The following COPB1 variants were observed in gnomAD, a reference collection of about 807,000 sequenced individuals.
COPB1 encodes the protein coat protein complex I subunit beta 1.
Under a neutral mutation model 108.7 loss-of-function variants are expected in COPB1, and 21 were observed. The observed-to-expected ratio is 0.19, with a 90% CI of 0.14 to 0.28. COPB1 has a LOEUF of 0.28. Ranked by LOEUF, COPB1 falls within the 10% of genes least tolerant of loss-of-function variation. The pLI, the probability that COPB1 is intolerant of heterozygous loss-of-function variation, is 1.00. For synonymous variants in COPB1, 378 were observed against 386.8 expected (o/e 0.98, Z 0.27); for missense variants, 919 against 1,141.3 (o/e 0.81, Z 2.81).
Position 14,490,533 on chromosome 11 carries a change from G to C in COPB1, c.606+32C>G, listed in dbSNP as rs1850874821. 3 of 1,206,358 alleles carry C rather than the reference G, an allele frequency of 2.5e-6. No homozygotes were observed. In the Admixed American group the frequency reaches 5.7e-5, roughly 23 times the overall value. 74.7% of individuals were successfully genotyped at this position (1,206,358 alleles called of 1,614,324 possible). On this transcript the variant is annotated intron_variant, in intron 5 of 21. Transcript: ENST00000439561. ...TACTTTCAATTGTCACTTAAATACA[G>C]TAATAAGAGTATTTTTTAAAAAGTA... is the stretch of plus-strand genomic sequence containing the variant.
chr11:14,493,744 G>T lies in COPB1; in HGVS notation c.389C>A (p.Ala130Glu). Residue 130 changes from alanine (A) to glutamate (E), a missense_variant, in exon 4 of 22, where the codon GCA (alanine) becomes GAA (glutamate). This residue lies in a region of COPB1 where 22 missense variants were observed against 58.8 expected (regional missense o/e 0.37). Transcript: ENST00000439561. ...TLRFLCKLKE[A>E]ELLEPLMPAI... is the part of the protein sequence containing the mutation. ...TGGCATTAAAGGTTCTAGCAATTCTGCTTCTTTCAATTTGCAAAGAAAACG... is the reference window on the plus strand; with the variant it reads ...TGGCATTAAAGGTTCTAGCAATTCTTCTTCTTTCAATTTGCAAAGAAAACG... 6.2e-7 allele frequency: 1 copy of T among 1,613,276 alleles called. No homozygotes were observed. The highest frequency in any genetic ancestry group is 8.5e-7 in the Non-Finnish European group (1 of 1,179,674).
chr11:14,495,881 T>C (rs1851007465), intron 2 of COPB1, among the ~76,000 whole-genome samples: 1 of 152,196 alleles, frequency 6.6e-6, no homozygotes, highest in Non-Finnish European at 1.5e-5. Context: ...AATGAATGTA[T>C]TCACTATTTT....
At chr11:14,494,005 TTTAA>T (rs1339368772) in intron 3 of COPB1, among the ~76,000 whole-genome samples, 194 bp from the exon 4 acceptor site, 13 of 152,322 alleles carry the variant, frequency 8.5e-5, no homozygotes, top group South Asian at 2.1e-4. Context: ...GTCACTGTTT[TTTAA>T]TTAATATATA....
intron 17 of COPB1, 92 bp from the exon 18 acceptor site, chr11:14,465,122 C>T (rs1185986826): frequency 3.6e-5 from 51 of 1,411,888 alleles, no homozygotes; most frequent in Admixed American, 4.9e-5. Context: ...AACCATAAAA[C>T]CTTAAATGTA....
intron 20 of COPB1, among the ~76,000 whole-genome samples, chr11:14,459,120 A>G (rs1327299416): frequency 6.6e-6 from 1 of 152,188 alleles, no homozygotes; most frequent in African/African-American, 2.4e-5. Context: ...TGGTGGTTAC[A>G]TAATCTTATG....
chr11:14,461,937 T>C (rs1850163594), intron 18 of COPB1, among the ~76,000 whole-genome samples: 2 of 152,228 alleles, frequency 1.3e-5, no homozygotes. Flanking sequence ...TCATATATTT[T>C]AAATCATCTC....
chr11:14,497,173 G>C (rs909991204), intron 2 of COPB1, among the ~76,000 whole-genome samples: 2 of 152,034 alleles, frequency 1.3e-5, no homozygotes, highest in Non-Finnish European at 2.9e-5. Context: ...GGCAACCAAA[G>C]CAAAAACGGA....
At chr11:14,480,320 A>G (rs1399441703) in intron 10 of COPB1, among the ~76,000 whole-genome samples, 1 of 152,238 alleles carries the variant, frequency 6.6e-6, no homozygotes, top group Non-Finnish European at 1.5e-5. Context: ...GAGAGAACTC[A>G]AGAGCTCAAA....
In COPB1 at chr11:14,494,428, C is replaced by A; in HGVS notation, c.103G>T (p.Val35Leu). 1.9e-6 allele frequency: 3 copies of A among 1,547,660 alleles called. No individual in the cohort carries two copies. Among genetic ancestry groups the A allele is most frequent in the South Asian group, 1.2e-5 (1 of 83,148 alleles). ...TTCAAAGCTTCAGTCTTTGACTTTA[C>A]ATCTCCTTTTTCTGAATCAAAAATT... ...SLKNDLEKGD[V>L]KSKTEALKKV... Residue 35 changes from valine to leucine, a missense_variant, in exon 3 of 22, where the codon GTA becomes TTA. Around this residue, in one of 5 missense-constraint regions of COPB1, gnomAD observed 92 missense variants for 108.4 expected, o/e 0.85. Transcript: ENST00000439561.
In COPB1 at chr11:14,475,956, A is replaced by T; in HGVS notation, c.1456-11T>A. 6.3e-7 allele frequency: 1 copy of T among 1,577,032 alleles called. No homozygotes were observed. Among genetic ancestry groups the T allele is most frequent in the Non-Finnish European group, 8.6e-7 (1 of 1,165,018 alleles). ...CTCTACAATTGGGATCTAAAAGTCA[A>T]TTGGAAACATCATTTTAGTAATAGT... On this transcript the variant is annotated splice_polypyrimidine_tract_variant and intron_variant, in intron 12 of 21. Coordinates refer to ENST00000439561, the MANE Select transcript of COPB1 (RefSeq NM_001144061.2).
Position 14,479,722 on chromosome 11 carries a change from A to G in COPB1, c.1213-8T>C, listed in dbSNP as rs762152410. The G allele has an allele frequency of 6.4e-6, 3 of 465,336 alleles. No individual in the cohort carries two copies. The highest frequency in any genetic ancestry group is 4.5e-5 in the Admixed American group (1 of 22,150). 28.8% of individuals were successfully genotyped at this position (465,336 alleles called of 1,614,324 possible). ...ACTGAGAAATTCCATTAACTAAAAG[A>G]AAAAAAAAAAAAAGAAAATGGAACT... On this transcript the variant is annotated splice_region_variant and splice_polypyrimidine_tract_variant and intron_variant, in intron 10 of 21. Coordinates refer to ENST00000439561, the MANE Select transcript of COPB1 (RefSeq NM_001144061.2).
rs757738793 is a variant in COPB1, at chr11:14,490,610, T to C, written c.561A>G (p.Ala187=). 6.2e-7 allele frequency: 1 copy of C among 1,613,334 alleles called. No homozygotes were observed. Among genetic ancestry groups the C allele is most frequent in the Middle Eastern group, 1.7e-4 (1 of 5,840 alleles). The part of the protein sequence containing the change: ...IHDFLVNEKD[A]SCKRNAFMML... ...TCATAAATGCATTCCTTTTGCAACTTGCATCCTTCTCATTCACCAGAAAAT... is the reference window on the plus strand; with the variant it reads ...TCATAAATGCATTCCTTTTGCAACTCGCATCCTTCTCATTCACCAGAAAAT... The change falls in exon 5 of 22, where the codon GCA becomes GCG. Residue 187 remains alanine, a synonymous_variant. Coordinates refer to ENST00000439561, the MANE Select transcript of COPB1 (RefSeq NM_001144061.2).
At position 14,483,131 on chromosome 11, in the gene COPB1, A is replaced by C; in HGVS notation, c.858T>G (p.Ile286Met). The C allele has an allele frequency of 6.3e-7, 1 of 1,575,396 alleles. No individual in the cohort carries two copies. ...TAIKAAAQCY[I>M]DLIIKESDNN... ...TGTCGCTCTCCTTAATAATTAAATC[A>C]ATGTAACACTGAGCAGCAGCCTATA... The change falls in exon 8 of 22, where the codon ATT (isoleucine) becomes ATG (methionine). Residue 286 changes from isoleucine (I) to methionine (M), a missense_variant. Coordinates refer to ENST00000439561, the MANE Select transcript of COPB1 (RefSeq NM_001144061.2).
At chr11:14,491,829 T>G (rs1850912843) in intron 4 of COPB1, among the ~76,000 whole-genome samples, 1 of 152,234 alleles carries the variant, frequency 6.6e-6, no homozygotes, top group Non-Finnish European at 1.5e-5. Context: ...TGTGCATACA[T>G]TTTAAGCATA....
At chr11:14,473,975 G>C (rs1340153922) in intron 14 of COPB1, 2 of 152,030 alleles carry the variant, frequency 1.3e-5, no homozygotes, top group African/African-American at 4.8e-5. Flanking sequence ...TTTTAAAAAA[G>C]ATATTTTCAA....
chr11:14,458,855 C>T (rs1850083224), intron 20 of COPB1, among the ~76,000 whole-genome samples, 168 bp from the exon 21 acceptor site: 1 of 151,538 alleles, frequency 6.6e-6, no homozygotes, highest in Non-Finnish European at 1.5e-5. Flanking sequence ...CTGCAACCTT[C>T]CTCCCAGGTT....
In COPB1 at chr11:14,458,623, T is replaced by A. The variant is rs1850078000; in HGVS notation, c.2711A>T (p.Asp904Val). Residue 904 changes from aspartate (D) to valine (V), a missense_variant, in exon 21 of 22, where the codon GAT becomes GTT. Coordinates refer to ENST00000439561, the MANE Select transcript of COPB1 (RefSeq NM_001144061.2). ...CTCAATGCTGACATTTGCAAGTGCA[T>A]CTTCACCAAATATGGAACGAGCATA... ...NLYARSIFGE[D>V]ALANVSIEKP... 6.2e-7 allele frequency: 1 copy of A among 1,613,898 alleles called. No individual in the cohort carries two copies. The highest frequency in any genetic ancestry group is 1.3e-5 in the African/African-American group (1 of 74,958).
At position 14,479,472 on chromosome 11, in the gene COPB1, T is replaced by C. The variant is rs544005178; in HGVS notation, c.1358+97A>G. On this transcript the variant is annotated intron_variant, in intron 11 of 21. Coordinates refer to ENST00000439561, the MANE Select transcript of COPB1 (RefSeq NM_001144061.2). Reference sequence around the variant, plus strand: ...CAAACTTGTCTTATTTTGGCTTGATTGTCCTCTCCATTCTATTTTCTATCA... The same window carrying C: ...CAAACTTGTCTTATTTTGGCTTGATCGTCCTCTCCATTCTATTTTCTATCA... The C allele has an allele frequency of 1.3e-4, 152 of 1,205,442 alleles. 1 individual carries two copies. In the South Asian group the frequency reaches 1.9e-3, roughly 15 times the overall value. The allele number at this position is 1,205,442 out of a possible 1,614,324, so 74.7% of individuals were successfully genotyped here. A position where few individuals can be genotyped will look rare whatever the true frequency, so the allele number is the denominator to read the frequency against.
intron 16 of COPB1, among the ~76,000 whole-genome samples, chr11:14,467,615 T>C (rs1263000732): frequency 6.6e-6 from 1 of 152,208 alleles, no homozygotes; most frequent in Admixed American, 6.5e-5. Context: ...TTCTTCACAG[T>C]AACCAAAAGG....
Sources: allele counts gnomAD v4.1 joint callset (sites outside exome capture counted in the v4.1 genomes callset), GRCh38; gene constraint gnomAD v4.1.1; regional missense constraint gnomAD v4.1.1; transcripts MANE v1.5; gene names NCBI Gene and HGNC (gene_info 2026-07-23, HGNC 2026-07-21).